Variants in RAPGEF2 observed in about 807,000 individuals in gnomAD.
RAPGEF2 encodes Rap guanine nucleotide exchange factor 2, also known as PDZ domain containing guanine nucleotide exchange factor (GEF) 1.
RAPGEF2 carries 54 observed loss-of-function variants against 186.7 expected under a neutral mutation model. The ratio of observed to expected loss-of-function variants is 0.29; its 90% CI spans 0.23 to 0.36. The LOEUF (loss-of-function observed/expected upper bound fraction) is 0.36. RAPGEF2 is among the 10% of genes least tolerant of loss of function. RAPGEF2 has a pLI of 1.00. For missense variants in RAPGEF2, 1,532 were observed against 2,045.0 expected (o/e 0.75, Z 4.84); for synonymous variants, 712 against 705.9 (o/e 1.01, Z -0.14).
At chr4:159,246,747 A>G (rs547204328) in intron 7 of RAPGEF2, among the ~76,000 whole-genome samples, 1 of 152,144 alleles carries the variant, frequency 6.6e-6, no homozygotes, top group South Asian at 2.1e-4. Flanking sequence ...TACTCATATC[A>G]TGTCTTTGCT....
At chr4:159,326,740 T>G (rs1050438427) in intron 11 of RAPGEF2, 2 of 152,168 alleles carry the variant, frequency 1.3e-5, no homozygotes, top group Non-Finnish European at 2.9e-5. Context: ...ATTACCCACA[T>G]GTACCTCTTT....
rs552942307 is a variant in RAPGEF2 at position 159,176,523 on chromosome 4, T to C, written c.70-10119T>C. ...GTTAAAAAGGTTTAACCTGACAATA[T>C]GCTACTGATGTGTTATATTGAATTA... On this transcript the variant is annotated intron_variant, in intron 1 of 29. Transcript: ENST00000691494. 2.0e-5 allele frequency among the ~76,000 whole-genome samples: 3 copies of C among 152,314 alleles called. No homozygotes were observed. The South Asian group carries it at 6.2e-4, about 32-fold the overall frequency.
intron 11 of RAPGEF2, chr4:159,329,139 C>T (rs1025629644): frequency 2.1e-4 from 32 of 152,046 alleles, no homozygotes; most frequent in Admixed American, 2.0e-3. Context: ...ATCATTCATT[C>T]TTAACTTTCT....
At chr4:159,317,240 GCTAA>G (rs1386772712) in intron 9 of RAPGEF2, among the ~76,000 whole-genome samples, 1 of 152,136 alleles carries the variant, frequency 6.6e-6, no homozygotes, top group Non-Finnish European at 1.5e-5. Flanking sequence ...TATGGGAATT[GCTAA>G]CTCTTTATAG....
At chr4:159,264,350 C>T (rs957508831) in intron 7 of RAPGEF2, among the ~76,000 whole-genome samples, 5 of 152,094 alleles carry the variant, frequency 3.3e-5, no homozygotes, top group South Asian at 2.1e-4. Context: ...TAAGGTTTCC[C>T]GGTTAGGTTA....
intron 4 of RAPGEF2, among the ~76,000 whole-genome samples, chr4:159,226,028 T>C (rs1475349077): frequency 6.6e-6 from 1 of 152,194 alleles, no homozygotes; most frequent in Admixed American, 6.5e-5. Context: ...TTTGTACTTT[T>C]AGTGTCCTTG....
intron 9 of RAPGEF2, among the ~76,000 whole-genome samples, chr4:159,316,528 C>G (rs1407080671): frequency 6.6e-6 from 1 of 152,090 alleles, no homozygotes; most frequent in African/African-American, 2.4e-5. Flanking sequence ...TTCATGTGTT[C>G]TCATCATTTA....
intron 7 of RAPGEF2, among the ~76,000 whole-genome samples, chr4:159,280,096 T>TA (rs1759487850): frequency 6.6e-6 from 1 of 152,206 alleles, no homozygotes; most frequent in Admixed American, 6.5e-5. Context: ...ATCCTTTTTT[T>TA]AGACTTGGAT....
chr4:159,335,449 A>G (rs1402833214), intron 17 of RAPGEF2, among the ~76,000 whole-genome samples: 1 of 152,202 alleles, frequency 6.6e-6, no homozygotes, highest in African/African-American at 2.4e-5. Flanking sequence ...GTTTCAATCC[A>G]AGAGTGGCCG....
chr4:159,124,017 G>T (rs948120159), intron 1 of RAPGEF2, among the ~76,000 whole-genome samples: 7 of 151,288 alleles, frequency 4.6e-5, no homozygotes, highest in African/African-American at 1.7e-4. Flanking sequence ...CACCACACCC[G>T]GCTAATTTTT....
intron 2 of RAPGEF2, among the ~76,000 whole-genome samples, chr4:159,188,980 C>T (rs2111301952): frequency 6.6e-6 from 1 of 152,106 alleles, no homozygotes; most frequent in South Asian, 2.1e-4. Context: ...AGAACAAGAT[C>T]AGGATACCAC....
At chr4:159,197,432 C>CAG (rs1295987228) in intron 3 of RAPGEF2, among the ~76,000 whole-genome samples, 1 of 152,092 alleles carries the variant, frequency 6.6e-6, no homozygotes, top group African/African-American at 2.4e-5. Context: ...TGTCCACACA[C>CAG]ACACACGCCC....
intron 1 of RAPGEF2, among the ~76,000 whole-genome samples, chr4:159,118,946 T>C (rs999523715): frequency 6.6e-6 from 1 of 152,244 alleles, no homozygotes; most frequent in African/African-American, 2.4e-5. Flanking sequence ...ACTCTTCTTA[T>C]TACTGTTTTT....
Position 159,353,497 on chromosome 4 carries a change from C to T in RAPGEF2, c.4102C>T (p.Pro1368Ser), listed in dbSNP as rs765349242. ...PDQYSLGSYA[P>S]MSEGRGLYAT... ...CTTTTAACCACTTAGGTCCTATGCACCAATGTCCGAGGGCCGAGGCTTATA... is the reference window on the plus strand; with the variant it reads ...CTTTTAACCACTTAGGTCCTATGCATCAATGTCCGAGGGCCGAGGCTTATA... The change falls in exon 28 of 30, where the codon CCA becomes TCA. Residue 1368 changes from proline (P) to serine (S), a missense_variant. By Grantham distance (74) the Pro-to-Ser change is moderately conservative (BLOSUM62 -1). Coordinates refer to ENST00000691494, the MANE Select transcript of RAPGEF2 (RefSeq NM_001394067.2). The surrounding 1 kb of genome is among the most constrained non-coding windows in gnomAD (Gnocchi z 4.3). 6.8e-7 allele frequency: 1 copy of T among 1,479,602 alleles called. No homozygotes were observed. The highest frequency in any genetic ancestry group is 1.4e-5 in the African/African-American group (1 of 70,988). The allele number at this position is 1,479,602 out of a possible 1,614,324, so 91.7% of individuals were successfully genotyped here.
intron 7 of RAPGEF2, among the ~76,000 whole-genome samples, chr4:159,287,809 A>G (rs12511303): frequency 0.19 from 28,569 of 152,112 alleles, 2,834 homozygotes; most frequent in Admixed American, 0.25. Context: ...TCTAAATTCT[A>G]CTTTAAGCAG....
chr4:159,347,523 G>A (rs554288697), intron 25 of RAPGEF2, among the ~76,000 whole-genome samples: 89 of 152,324 alleles, frequency 5.8e-4, no homozygotes, highest in Non-Finnish European at 1.0e-4. Flanking sequence ...GGTGGCTCAC[G>A]CCTGTAATCC....
chr4:159,345,839 A>G (rs78495162), intron 24 of RAPGEF2, among the ~76,000 whole-genome samples: 4,125 of 152,166 alleles, frequency 0.027, 187 homozygotes, highest in African/African-American at 0.094. Flanking sequence ...TGGTTAATCT[A>G]TAAATGGGGC....
At chr4:159,267,759 G>T in intron 7 of RAPGEF2, 1 of 1,007,148 alleles carries the variant, frequency 9.9e-7, no homozygotes, top group Non-Finnish European at 1.2e-6. Context: ...TTTGAGGGGA[G>T]TCTGTGTGCA....
intron 4 of RAPGEF2, among the ~76,000 whole-genome samples, chr4:159,224,060 G>A (rs180906464): frequency 9.3e-4 from 141 of 152,068 alleles, no homozygotes; most frequent in Middle Eastern, 3.4e-3. Flanking sequence ...CACCACTCCC[G>A]ACTAATTTTT....
Sources: gnomAD v4.1 joint callset for allele counts (sites outside exome capture counted in the v4.1 genomes callset) on GRCh38, gnomAD v4.1.1 for gene constraint, Gnocchi (gnomAD v3.1) non-coding constraint, MANE v1.5 for transcripts, NCBI Gene and HGNC (gene_info 2026-07-23, HGNC 2026-07-21) for gene names.